PDZRN4: variants seen among roughly 807,000 people sequenced by gnomAD.
PDZRN4 encodes PDZ domain-containing RING finger protein 4.
A neutral mutation model predicts 99.0 loss-of-function variants in PDZRN4; 70 were observed. That is an observed-to-expected ratio of 0.71 (90% CI 0.58 to 0.86). PDZRN4 has a LOEUF of 0.86. Among genes scored for constraint, PDZRN4 ranks in the 40% least tolerant of loss-of-function variants. The pLI is 0.00. For synonymous variants in PDZRN4, 551 were observed against 501.6 expected (o/e 1.10, Z -1.32); for missense variants, 1,474 against 1,331.2 (o/e 1.11, Z -1.67).
intron 3 of PDZRN4, among the ~76,000 whole-genome samples, chr12:41,249,090 T>C (rs1303393361): frequency 6.6e-6 from 1 of 152,186 alleles, no homozygotes; most frequent in Non-Finnish European, 1.5e-5. Flanking sequence ...ATGTTATACA[T>C]GCATATTCAC....
intron 7 of PDZRN4, among the ~76,000 whole-genome samples, chr12:41,561,332 A>G (rs1415497383): frequency 6.6e-6 from 1 of 152,062 alleles, no homozygotes; most frequent in East Asian, 1.9e-4. Flanking sequence ...AATAACAACA[A>G]TAACAATAGC....
intron 3 of PDZRN4, among the ~76,000 whole-genome samples, chr12:41,230,962 A>T (rs1951024711): frequency 6.6e-6 from 1 of 152,138 alleles, no homozygotes; most frequent in Non-Finnish European, 1.5e-5. Context: ...GAGCTGCCTG[A>T]ATCTGCCATG....
rs1404832839 is a variant in PDZRN4 at position 41,535,573 on chromosome 12, AG to A, written c.1204-17082del. The stretch of plus-strand genomic sequence containing the variant: ...TACTGTTTGAATGTGTCCCCCAAAA[AG>A]CATGTGTTGGAAATTTAATCTCCCA... On this transcript the variant is annotated intron_variant, in intron 5 of 9. Coordinates refer to ENST00000402685, the MANE Select transcript of PDZRN4 (RefSeq NM_001164595.2). Among the ~76,000 whole-genome samples the A allele has an allele frequency of 2.0e-5, 3 of 152,324 alleles. No individual in the cohort carries two copies. The East Asian group carries it at 5.8e-4, about 29-fold the overall frequency.
At chr12:41,542,557 C>T (rs760172270) in intron 5 of PDZRN4, among the ~76,000 whole-genome samples, 1 of 152,114 alleles carries the variant, frequency 6.6e-6, no homozygotes, top group Non-Finnish European at 1.5e-5. Flanking sequence ...TTCTGCCACC[C>T]CCAACACACA....
At chr12:41,351,417 T>C (rs1003619148) in intron 3 of PDZRN4, among the ~76,000 whole-genome samples, 1 of 152,236 alleles carries the variant, frequency 6.6e-6, no homozygotes, top group Non-Finnish European at 1.5e-5. Context: ...TGCACTGCTA[T>C]GAAGACACAC....
chr12:41,409,097 AAGAACTATGATAAG>A (rs2120369123), intron 3 of PDZRN4, among the ~76,000 whole-genome samples: 1 of 152,330 alleles, frequency 6.6e-6, no homozygotes, highest in Non-Finnish European at 1.5e-5. Flanking sequence ...CAATAGAGAT[AAGAACTATGATAAG>A]AGTTGAAGAT....
chr12:41,542,034 A>ATAACAGATG (rs1403191399), intron 5 of PDZRN4, among the ~76,000 whole-genome samples: 1 of 152,226 alleles, frequency 6.6e-6, no homozygotes, highest in Non-Finnish European at 1.5e-5. Context: ...CAAGAGCATG[A>ATAACAGATG]TAACAGATGT....
At position 41,573,884 on chromosome 12, in the gene PDZRN4, T is replaced by A; in HGVS notation, c.3105T>A (p.Thr1035=). ...RVHNAFLSVT[T]V is the part of the protein sequence containing the mutation. ...ATAATGCCTTCTTGTCGGTGACCACTGTATGACCGAATGAATGGAATGCAT... is the reference window on the plus strand; with the variant it reads ...ATAATGCCTTCTTGTCGGTGACCACAGTATGACCGAATGAATGGAATGCAT... The change falls in exon 10 of 10, where the codon ACT becomes ACA. Residue 1035 remains threonine, a synonymous_variant. Transcript: ENST00000402685. 6.5e-7 allele frequency: 1 copy of A among 1,547,160 alleles called. No homozygotes were observed. The highest frequency in any genetic ancestry group is 8.7e-7 in the Non-Finnish European group (1 of 1,150,538).
chr12:41,209,785 G>T (rs75483444), intron 3 of PDZRN4, among the ~76,000 whole-genome samples: 96,545 of 143,060 alleles, frequency 0.67, 32,944 homozygotes, highest in South Asian at 0.74. Flanking sequence ...TTTGCTATTG[G>T]GAATAGTGCT....
chr12:41,460,194 A>G, intron 3 of PDZRN4: 1 of 676,184 alleles, frequency 1.5e-6, no homozygotes, highest in Non-Finnish European at 2.1e-6. Flanking sequence ...GTTTATTCCT[A>G]TATTGAATAT....
rs112688550 is a variant in PDZRN4, at chr12:41,463,704, T to C, written c.844-42752T>C. 7.5e-3 allele frequency among the ~76,000 whole-genome samples: 1,136 copies of C among 152,292 alleles called. 17 individuals carry two copies. Among genetic ancestry groups the C allele is most frequent in the African/African-American group, 0.025 (1,032 of 41,558 alleles). ...ATTCACATAGAAAGGTGCCCTGTGA[T>C]ACATTTAAGTCTAAAACAGAAATTG... is the stretch of plus-strand genomic sequence containing the variant. On this transcript the variant is annotated intron_variant, in intron 3 of 9. Coordinates refer to ENST00000402685, the MANE Select transcript of PDZRN4 (RefSeq NM_001164595.2).
chr12:41,555,582 C>T, intron 6 of PDZRN4, 116 bp from the exon 7 acceptor site: 2 of 766,902 alleles, frequency 2.6e-6, no homozygotes, highest in Non-Finnish European at 4.5e-6. Flanking sequence ...TATACTGTCA[C>T]AAATCAACAG....
rs115374475 is a variant in PDZRN4, at chr12:41,365,499, C to T, written c.844-140957C>T. ...GGAATTCAATTCTTAATTTGATGACCCTCTCTTGTATAATTAATCATTATG... is the reference window on the plus strand; with the variant it reads ...GGAATTCAATTCTTAATTTGATGACTCTCTCTTGTATAATTAATCATTATG... On this transcript the variant is annotated intron_variant, in intron 3 of 9. Coordinates refer to ENST00000402685, the MANE Select transcript of PDZRN4 (RefSeq NM_001164595.2). 1.9e-3 allele frequency among the ~76,000 whole-genome samples: 282 copies of T among 151,988 alleles called. 1 individual carries two copies. Among genetic ancestry groups the T allele is most frequent in the African/African-American group, 6.2e-3 (258 of 41,442 alleles).
intron 3 of PDZRN4, among the ~76,000 whole-genome samples, chr12:41,458,849 C>T (rs1013342719): frequency 3.9e-5 from 6 of 152,086 alleles, no homozygotes; most frequent in African/African-American, 1.4e-4. Flanking sequence ...CAGAGCAGCA[C>T]AGTTTGGTGA....
intron 3 of PDZRN4, among the ~76,000 whole-genome samples, chr12:41,424,541 G>T (rs895067446): frequency 1.3e-5 from 2 of 151,996 alleles, no homozygotes; most frequent in African/African-American, 2.4e-5. Flanking sequence ...CCTGTTACTT[G>T]GTTCAATGGA....
At chr12:41,342,092 T>C (rs1379000078) in intron 3 of PDZRN4, among the ~76,000 whole-genome samples, 1 of 151,730 alleles carries the variant, frequency 6.6e-6, no homozygotes, top group Non-Finnish European at 1.5e-5. Flanking sequence ...ACAATATATA[T>C]TGGGAAAAAG....
intron 3 of PDZRN4, among the ~76,000 whole-genome samples, chr12:41,299,804 G>A (rs954479227): frequency 6.6e-6 from 1 of 151,884 alleles, no homozygotes; most frequent in Non-Finnish European, 1.5e-5. Flanking sequence ...AGCCATTTAA[G>A]TATATTTATA....
intron 3 of PDZRN4, among the ~76,000 whole-genome samples, chr12:41,313,842 T>C (rs748142330): frequency 6.6e-6 from 1 of 152,216 alleles, no homozygotes; most frequent in African/African-American, 2.4e-5. Context: ...TTGAACACCT[T>C]TAATTTCATT....
intron 3 of PDZRN4, among the ~76,000 whole-genome samples, chr12:41,504,924 T>C (rs1938179011): frequency 6.6e-6 from 1 of 152,178 alleles, no homozygotes. Flanking sequence ...CATATTTTGC[T>C]GGTGAAGAAG....
Sources: allele counts gnomAD v4.1 joint callset (sites outside exome capture counted in the v4.1 genomes callset), GRCh38; gene constraint gnomAD v4.1.1; transcripts MANE v1.5; gene names NCBI Gene and HGNC (gene_info 2026-07-23, HGNC 2026-07-21).